MSRA: variants seen among roughly 807,000 people sequenced by gnomAD.
The protein encoded by MSRA is methionine sulfoxide reductase A.
Under a neutral mutation model 31.3 loss-of-function variants are expected in MSRA, and 54 were observed. The ratio of observed to expected loss-of-function variants is 1.73; its 90% CI spans 1.39 to 2.17. The LOEUF is 2.17. Among genes scored for constraint, MSRA ranks in the 30% most tolerant of loss-of-function variants. MSRA has a pLI of 0.00. For missense variants in MSRA, 507 were observed against 300.9 expected, an observed-to-expected ratio of 1.69 and a Z score of -5.07; for synonymous variants, 169 against 116.5, an observed-to-expected ratio of 1.45 and a Z score of -2.90.
rs911609300 is a variant in MSRA, at chr8:10,158,430, A to G, written c.143-49403A>G. Among the ~76,000 whole-genome samples, 9 of 152,328 alleles carry G rather than the reference A, an allele frequency of 5.9e-5. No homozygotes were observed. The East Asian group carries it at 7.7e-4, about 13-fold the overall frequency. ...ACAATAATCTACTTTCTGTGTCTAT[A>G]GATTTGTCAATTTTGGATACTTTAC... On this transcript the variant is annotated intron_variant, in intron 1 of 5. Transcript: ENST00000317173.
chr8:10,170,647 T>C (rs1805513904), intron 1 of MSRA, among the ~76,000 whole-genome samples: 1 of 152,196 alleles, frequency 6.6e-6, no homozygotes, highest in Admixed American at 6.5e-5. Context: ...CATCTAGAGA[T>C]GATTTAAAGT....
chr8:10,388,789 C>T (rs781547280), intron 5 of MSRA, among the ~76,000 whole-genome samples: 5 of 151,848 alleles, frequency 3.3e-5, no homozygotes, highest in Admixed American at 6.6e-5. Flanking sequence ...AGCTGTTCTA[C>T]GCATGATGGG....
intron 5 of MSRA, among the ~76,000 whole-genome samples, chr8:10,342,334 C>T (rs957030616): frequency 7.2e-5 from 11 of 152,076 alleles, no homozygotes; most frequent in Non-Finnish European, 1.0e-4. Context: ...TAAAAAAACC[C>T]GAACACACAT....
chr8:10,286,117 A>G (rs1799922182), intron 3 of MSRA, among the ~76,000 whole-genome samples: 1 of 152,122 alleles, frequency 6.6e-6, no homozygotes, highest in African/African-American at 2.4e-5. Flanking sequence ...AATCTAAGCC[A>G]TCCTGTCCAT....
chr8:10,090,111 G>T (rs1798782629), intron 1 of MSRA, among the ~76,000 whole-genome samples: 1 of 152,230 alleles, frequency 6.6e-6, no homozygotes, highest in Non-Finnish European at 1.5e-5. Context: ...GGTGCACATG[G>T]AGAGCAAAAT....
intron 1 of MSRA, among the ~76,000 whole-genome samples, chr8:10,086,700 A>C (rs983865506): frequency 6.6e-6 from 1 of 151,098 alleles, no homozygotes; most frequent in African/African-American, 2.5e-5. Context: ...TTTTATGTCC[A>C]TTGTGGCTTC....
chr8:10,319,132 C>T (rs190096568), intron 4 of MSRA, among the ~76,000 whole-genome samples: 4 of 152,262 alleles, frequency 2.6e-5, no homozygotes, highest in Admixed American at 2.0e-4. Flanking sequence ...TTGCTTATGC[C>T]TGCTGGTCTC....
chr8:10,195,271 C>T (rs1255019753), intron 1 of MSRA, among the ~76,000 whole-genome samples: 1 of 152,208 alleles, frequency 6.6e-6, no homozygotes, highest in Non-Finnish European at 1.5e-5. Context: ...TTTTGAGTCT[C>T]ACTCTGTCGC....
intron 5 of MSRA, among the ~76,000 whole-genome samples, chr8:10,403,489 G>C (rs1178149468): frequency 1.3e-5 from 2 of 152,222 alleles, no homozygotes; most frequent in African/African-American, 4.8e-5. Context: ...GCTGGGACTA[G>C]AGAGCCTGGG....
chr8:10,228,618 G>A (rs59512691), intron 2 of MSRA, among the ~76,000 whole-genome samples: 1 of 152,140 alleles, frequency 6.6e-6, no homozygotes, highest in Non-Finnish European at 1.5e-5. Flanking sequence ...AGCTTCTGAC[G>A]TTGTTTCCAG....
At chr8:10,112,155 C>A (rs983534003) in intron 1 of MSRA, among the ~76,000 whole-genome samples, 2 of 152,220 alleles carry the variant, frequency 1.3e-5, no homozygotes, top group East Asian at 1.9e-4. Flanking sequence ...TGCGCTGTCT[C>A]CTTATTTTAA....
intron 3 of MSRA, among the ~76,000 whole-genome samples, chr8:10,249,551 C>A (rs966596030): frequency 2.6e-5 from 4 of 152,104 alleles, no homozygotes; most frequent in African/African-American, 9.7e-5. Context: ...AAGCACTGAA[C>A]CAATAGCGCA....
chr8:10,066,896 G>A (rs1412084010), intron 1 of MSRA, among the ~76,000 whole-genome samples: 1 of 149,216 alleles, frequency 6.7e-6, no homozygotes, highest in Non-Finnish European at 1.5e-5. Flanking sequence ...TTTTCGAGCA[G>A]TTTTAGGTTT....
intron 2 of MSRA, among the ~76,000 whole-genome samples, chr8:10,210,713 A>C (rs1809399791): frequency 6.6e-6 from 1 of 151,898 alleles, no homozygotes; most frequent in South Asian, 2.1e-4. Context: ...TTTGTGATAA[A>C]ATAGTATCAC....
intron 1 of MSRA, among the ~76,000 whole-genome samples, chr8:10,073,603 G>T (rs978307962): frequency 1.3e-4 from 20 of 151,638 alleles, no homozygotes; most frequent in South Asian, 2.1e-4. Context: ...ATTCTACCAT[G>T]GTTGCAAACT....
chr8:10,375,465 T>A (rs774980902), intron 5 of MSRA, among the ~76,000 whole-genome samples: 10 of 152,222 alleles, frequency 6.6e-5, no homozygotes, highest in Non-Finnish European at 1.3e-4. Flanking sequence ...CCTAGTGGAA[T>A]GATGTTTGTG....
At chr8:10,367,691 A>C (rs1246721428) in intron 5 of MSRA, among the ~76,000 whole-genome samples, 2 of 152,232 alleles carry the variant, frequency 1.3e-5, no homozygotes, top group Non-Finnish European at 2.9e-5. Context: ...AGGAACTTGC[A>C]AGGGCTCCGA....
Position 10,420,368 on chromosome 8 carries a change from A to G in MSRA, c.544-7780A>G, listed in dbSNP as rs6997776. Among the ~76,000 whole-genome samples the G allele has an allele frequency of 4.6e-3, 696 of 151,690 alleles. 7 individuals carry two copies. Among genetic ancestry groups the G allele is most frequent in the African/African-American group, 0.016 (665 of 41,300 alleles). Reference sequence around the variant, plus strand: ...GAAGGAGAGGGGAGAGGTGCTATTGATAATATTGGGGCTTCTCATCTAAAA... The same window carrying G: ...GAAGGAGAGGGGAGAGGTGCTATTGGTAATATTGGGGCTTCTCATCTAAAA... On this transcript the variant is annotated intron_variant, in intron 5 of 5. Transcript: ENST00000317173.
At position 10,149,485 on chromosome 8, in the gene MSRA, G is replaced by T. The variant is rs535153864; in HGVS notation, c.143-58348G>T. ...CCCTGCCCAGGCCCCTCCAGGGCCT[G>T]TGCTGATTGAAGGGAGAAGGTCGCA... On this transcript the variant is annotated intron_variant, in intron 1 of 5. Coordinates refer to ENST00000317173, the MANE Select transcript of MSRA (RefSeq NM_012331.5). Among the ~76,000 whole-genome samples the T allele has an allele frequency of 1.4e-4, 22 of 152,310 alleles. No individual in the cohort carries two copies. In the South Asian group the frequency reaches 4.6e-3, roughly 32 times the overall value.
Sources: gnomAD v4.1 joint callset for allele counts (sites outside exome capture counted in the v4.1 genomes callset) on GRCh38, gnomAD v4.1.1 for gene constraint, MANE v1.5 for transcripts, NCBI Gene and HGNC (gene_info 2026-07-23, HGNC 2026-07-21) for gene names.